MRPS35: variants seen among roughly 807,000 people sequenced by gnomAD.
MRPS35 encodes mitochondrial ribosomal protein S35, also known as small ribosomal subunit protein mS35.
Under a neutral mutation model 32.7 loss-of-function variants are expected in MRPS35, and 29 were observed. The ratio of observed to expected loss-of-function variants is 0.89; its 90% CI spans 0.66 to 1.21. MRPS35 has a LOEUF of 1.21. Among genes scored for constraint, MRPS35 ranks in the 50% most tolerant of loss-of-function variants. The probability of loss-of-function intolerance (pLI) is 0.00; values close to 1 mark genes in which losing one functional copy is unlikely to be tolerated. For missense variants in MRPS35, 373 were observed against 383.8 expected, an observed-to-expected ratio of 0.97 and a Z score of 0.23; for synonymous variants, 148 against 139.3, an observed-to-expected ratio of 1.06 and a Z score of -0.44.
chr12:27,737,563 C>T lies in MRPS35; in HGVS notation c.657C>T (p.Tyr219=), dbSNP rs927302256. 3.1e-6 allele frequency: 5 copies of T among 1,611,832 alleles called. No homozygotes were observed. The highest frequency in any genetic ancestry group is 1.3e-5 in the African/African-American group (1 of 74,858). ...TDRCPLRRQN[Y]DYAVYLLTVL... ...GGTGCCCTTTAAGGAGGCAGAATTA[C>T]GATTATGCAGTGTATCTACTAACAG... The change falls in exon 7 of 8, where the codon TAC becomes TAT. Residue 219 remains tyrosine (Y), a synonymous_variant. Transcript: ENST00000081029.
chr12:27,723,902 T>C, intron 4 of MRPS35, 145 bp from the exon 5 acceptor site: 1 of 685,310 alleles, frequency 1.5e-6, no homozygotes, highest in Non-Finnish European at 2.3e-6. Context: ...TAAGGGATGA[T>C]GCTATATATG....
intron 7 of MRPS35, among the ~76,000 whole-genome samples, chr12:27,742,703 T>C (rs1010870534): frequency 6.6e-6 from 1 of 152,218 alleles, no homozygotes; most frequent in Admixed American, 6.5e-5. Context: ...CTCGTCGTAG[T>C]GCTTATTTGC....
intron 7 of MRPS35, among the ~76,000 whole-genome samples, chr12:27,751,102 C>CAAAAAAAAAA (rs71438703): frequency 5.3e-4 from 20 of 37,970 alleles, no homozygotes; most frequent in Non-Finnish European, 6.5e-4. Flanking sequence ...GACTCCATCT[C>CAAAAAAAAAA]AAAAAAAAAA....
At chr12:27,713,620 T>C (rs79129188) in intron 1 of MRPS35, among the ~76,000 whole-genome samples, 2,460 of 152,268 alleles carry the variant, frequency 0.016, 78 homozygotes, top group African/African-American at 0.055. Context: ...CTTTTTGTTC[T>C]TTCTGTGCCC....
At chr12:27,723,523 T>A (rs1246819912) in intron 4 of MRPS35, among the ~76,000 whole-genome samples, 1 of 152,230 alleles carries the variant, frequency 6.6e-6, no homozygotes, top group Non-Finnish European at 1.5e-5. Flanking sequence ...CTTAGGCATT[T>A]GTACCTGTTT....
chr12:27,733,917 T>G (rs2061932171), intron 5 of MRPS35, among the ~76,000 whole-genome samples: 1 of 152,256 alleles, frequency 6.6e-6, no homozygotes, highest in Non-Finnish European at 1.5e-5. Context: ...TAAAAATTTA[T>G]GTATTCATTC....
intron 6 of MRPS35, 50 bp downstream of exon 6, chr12:27,735,606 C>A: frequency 7.6e-7 from 1 of 1,322,858 alleles, no homozygotes; most frequent in South Asian, 1.3e-5. Flanking sequence ...TCCTCATTGT[C>A]CTCCAATTCC....
intron 2 of MRPS35, among the ~76,000 whole-genome samples, 173 bp from the exon 3 acceptor site, chr12:27,716,118 G>C (rs1176385185): frequency 1.3e-5 from 2 of 152,198 alleles, no homozygotes. Context: ...GGTAGATTTA[G>C]TGTTGTTTTT....
chr12:27,752,756 C>T (rs2062010856), intron 7 of MRPS35: 2 of 151,964 alleles, frequency 1.3e-5, no homozygotes, highest in South Asian at 2.1e-4. Context: ...TCAAGTATTA[C>T]AGTAAAAATT....
intron 4 of MRPS35, among the ~76,000 whole-genome samples, chr12:27,723,529 T>C (rs1193068502): frequency 6.6e-6 from 1 of 152,234 alleles, no homozygotes; most frequent in Non-Finnish European, 1.5e-5. Context: ...CATTTGTACC[T>C]GTTTGAGTTG....
chr12:27,739,641 A>G (rs11049113), intron 7 of MRPS35, among the ~76,000 whole-genome samples: 11,299 of 152,274 alleles, frequency 0.074, 553 homozygotes, highest in East Asian at 0.17. Context: ...GATTTTAGAA[A>G]TGCTGTTGGC....
At chr12:27,716,726 G>T (rs949737340) in intron 3 of MRPS35, among the ~76,000 whole-genome samples, 3 of 152,122 alleles carry the variant, frequency 2.0e-5, no homozygotes, top group Non-Finnish European at 4.4e-5. Context: ...AGTGGCTCAC[G>T]CCTGTAATCC....
At chr12:27,732,962 T>C (rs1246974895) in intron 5 of MRPS35, among the ~76,000 whole-genome samples, 1 of 120,088 alleles carries the variant, frequency 8.3e-6, no homozygotes, top group Non-Finnish European at 1.8e-5. Flanking sequence ...GTAGCTCTTT[T>C]TGTGTTAAAA....
In MRPS35 at chr12:27,735,326, A is replaced by T. The variant is rs994107033; in HGVS notation, c.523-121A>T. 9 of 675,082 alleles carry T rather than the reference A, an allele frequency of 1.3e-5. No individual in the cohort carries two copies. In the African/African-American group the frequency reaches 1.7e-4, roughly 12 times the overall value. The allele number at this position is 675,082 out of a possible 1,614,324, so 41.8% of individuals were successfully genotyped here. A position where few individuals can be genotyped will look rare whatever the true frequency, so the allele number is the denominator to read the frequency against. ...GTCCCAACTGCTTGCTCTGTATAGA[A>T]AGGAGTTTGGAAAGCTTTCTTTTTA... is the stretch of plus-strand genomic sequence containing the variant. On this transcript the variant is annotated intron_variant, in intron 5 of 7. Transcript: ENST00000081029.
intron 1 of MRPS35, among the ~76,000 whole-genome samples, chr12:27,713,915 C>T (rs1217822661): frequency 2.0e-5 from 3 of 151,494 alleles, no homozygotes; most frequent in Non-Finnish European, 4.4e-5. Context: ...GGCGAAACAC[C>T]GTCTCTACAA....
chr12:27,719,664 C>T, intron 3 of MRPS35, 144 bp from the exon 4 acceptor site: 1 of 545,938 alleles, frequency 1.8e-6, no homozygotes, highest in Non-Finnish European at 3.2e-6. Flanking sequence ...CAGAGCGAGA[C>T]TCTGTCTCAA....
intron 5 of MRPS35, chr12:27,725,787 T>G (rs1310127129): frequency 6.6e-6 from 1 of 152,634 alleles, no homozygotes; most frequent in Non-Finnish European, 1.4e-5. Context: ...GTGTATTGAT[T>G]CCTTGTATAC....
At chr12:27,751,162 G>A (rs1248641285) in intron 7 of MRPS35, among the ~76,000 whole-genome samples, 1 of 148,222 alleles carries the variant, frequency 6.7e-6, no homozygotes, top group Non-Finnish European at 1.5e-5. Flanking sequence ...AAAAGAAAAT[G>A]TGAATTTTGT....
chr12:27,723,927 G>T (rs2061887452), intron 4 of MRPS35, 120 bp from the exon 5 acceptor site: 1 of 952,006 alleles, frequency 1.1e-6, no homozygotes, highest in African/African-American at 1.7e-5. Flanking sequence ...GTGCAGAAGA[G>T]AATCTGTTCT....
Sources: allele counts gnomAD v4.1 joint callset (sites outside exome capture counted in the v4.1 genomes callset), GRCh38; gene constraint gnomAD v4.1.1; transcripts MANE v1.5; gene names NCBI Gene and HGNC (gene_info 2026-07-23, HGNC 2026-07-21).